Variants in CTNNA3 observed in about 807,000 individuals in gnomAD.
CTNNA3 encodes catenin alpha 3, also known as catenin alpha-3.
In CTNNA3, 76 loss-of-function variants were observed where a neutral mutation model predicts 95.7. The ratio of observed to expected loss-of-function variants is 0.79; its 90% CI spans 0.66 to 0.96. CTNNA3 has a LOEUF of 0.96. Ranked by LOEUF, CTNNA3 falls within the 40% of genes least tolerant of loss-of-function variation. CTNNA3 has a pLI of 0.00. For missense variants in CTNNA3, 1,191 were observed against 1,089.8 expected, an observed-to-expected ratio of 1.09 and a Z score of -1.31; for synonymous variants, 431 against 374.4, an observed-to-expected ratio of 1.15 and a Z score of -1.74.
chr10:66,659,964 G>A (rs890520059), intron 9 of CTNNA3, among the ~76,000 whole-genome samples: 17 of 152,010 alleles, frequency 1.1e-4, no homozygotes, highest in African/African-American at 4.1e-4. Context: ...ATATCATTAT[G>A]ACAATATTGA....
chr10:67,343,920 T>C (rs149223427), intron 5 of CTNNA3, among the ~76,000 whole-genome samples: 1 of 148,012 alleles, frequency 6.8e-6, no homozygotes, highest in Admixed American at 6.7e-5. Context: ...ATATTATATA[T>C]TTTATATTTT....
intron 5 of CTNNA3, among the ~76,000 whole-genome samples, chr10:67,509,107 C>T (rs917445486): frequency 4.6e-5 from 7 of 151,922 alleles, no homozygotes; most frequent in Non-Finnish European, 1.0e-4. Flanking sequence ...AACTCTTGAC[C>T]TCAGGTGATC....
At chr10:67,369,995 T>C (rs1843358656) in intron 5 of CTNNA3, among the ~76,000 whole-genome samples, 1 of 152,216 alleles carries the variant, frequency 6.6e-6, no homozygotes, top group Admixed American at 6.5e-5. Flanking sequence ...TGAAGTTGTA[T>C]ATATGCATGT....
intron 7 of CTNNA3, among the ~76,000 whole-genome samples, chr10:67,162,051 G>A (rs1431639784): frequency 6.6e-6 from 1 of 151,940 alleles, no homozygotes; most frequent in Non-Finnish European, 1.5e-5. Flanking sequence ...AAAGCTGAAC[G>A]GAAGAGTGGA....
intron 11 of CTNNA3, among the ~76,000 whole-genome samples, chr10:66,416,597 A>G (rs2093148117): frequency 6.6e-6 from 1 of 151,968 alleles, no homozygotes; most frequent in African/African-American, 2.4e-5. Context: ...AGAAACCTCC[A>G]TCAGAACAAG....
rs150929893 is a variant in CTNNA3, at chr10:67,627,857, T to C, written c.99+19558A>G. On this transcript the variant is annotated intron_variant, in intron 2 of 17. Transcript: ENST00000433211. ...AGTTACTATTATAATTAGTATATAA[T>C]TAAAACTACTGTATATGATAAACAA... Among the ~76,000 whole-genome samples, 556 of 151,932 alleles carry C rather than the reference T, an allele frequency of 3.7e-3. 5 individuals are homozygous for C. The highest frequency in any genetic ancestry group is 0.013 in the African/African-American group (522 of 41,548).
chr10:65,918,137 CAA>C lies in CTNNA3; in HGVS notation c.*2191_*2192del, dbSNP rs1237559549. ...ACTTTGGGTAAAAAGTCATTTTTAT[CAA>C]AGAGATGGAGGTTATTTGGTAATTG... On this transcript the variant is annotated 3_prime_UTR_variant, in exon 18 of 18. Coordinates refer to ENST00000433211, the MANE Select transcript of CTNNA3 (RefSeq NM_013266.4). The C allele has an allele frequency of 6.6e-6, 1 of 152,028 alleles. No individual in the cohort carries two copies. Among genetic ancestry groups the C allele is most frequent in the African/African-American group, 2.4e-5 (1 of 41,386 alleles). The allele number at this position is 152,028 out of a possible 1,614,324, so 9.4% of individuals were successfully genotyped here. A position where few individuals can be genotyped will look rare whatever the true frequency, so the allele number is the denominator to read the frequency against.
chr10:66,424,085 C>T (rs570702341), intron 11 of CTNNA3, among the ~76,000 whole-genome samples: 7 of 151,198 alleles, frequency 4.6e-5, no homozygotes, highest in African/African-American at 2.4e-5. Context: ...CTAAATTTTC[C>T]AGTTTATTGA....
At chr10:67,372,493 C>T (rs1317705930) in intron 5 of CTNNA3, among the ~76,000 whole-genome samples, 1 of 152,030 alleles carries the variant, frequency 6.6e-6, no homozygotes, top group Non-Finnish European at 1.5e-5. Context: ...ACCAAATCTA[C>T]GTCTGATTGG....
intron 7 of CTNNA3, among the ~76,000 whole-genome samples, chr10:67,038,096 T>C (rs1854175565): frequency 1.3e-5 from 2 of 152,152 alleles, no homozygotes; most frequent in African/African-American, 4.8e-5. Context: ...TTATTTCGAT[T>C]TAATAGTACT....
intron 5 of CTNNA3, among the ~76,000 whole-genome samples, chr10:67,500,056 C>T (rs1056419026): frequency 2.0e-5 from 3 of 151,000 alleles, no homozygotes; most frequent in East Asian, 2.2e-4. Context: ...CCCACTTTCT[C>T]CTGTGGGCAT....
chr10:66,798,842 A>C (rs1431850618), intron 7 of CTNNA3, among the ~76,000 whole-genome samples: 1 of 151,658 alleles, frequency 6.6e-6, no homozygotes, highest in African/African-American at 2.4e-5. Context: ...ATATGAGATA[A>C]AAACCTGCTA....
intron 13 of CTNNA3, among the ~76,000 whole-genome samples, chr10:66,230,491 C>T (rs922346): frequency 0.81 from 123,202 of 152,066 alleles, 50,273 homozygotes; most frequent in South Asian, 0.94. Context: ...AGTGCATCAG[C>T]GGTCTAGGCT....
chr10:66,050,926 T>A (rs1047836839), intron 15 of CTNNA3, among the ~76,000 whole-genome samples: 6 of 152,126 alleles, frequency 3.9e-5, no homozygotes, highest in Non-Finnish European at 7.3e-5. Context: ...GAATTAGAGC[T>A]CACTGCAGCC....
At position 66,114,238 on chromosome 10, in the gene CTNNA3, A is replaced by C. The variant is rs10996901; in HGVS notation, c.1885-10989T>G. ...TAGACAGTAAAAGGGAGTCTAACTT[A>C]AAATTTGTTCATTTTTCTTTTCCAA... On this transcript the variant is annotated intron_variant, in intron 13 of 17. Transcript: ENST00000433211. Among the ~76,000 whole-genome samples, 1,100 of 152,246 alleles carry C rather than the reference A, an allele frequency of 7.2e-3. 17 individuals are homozygous for C. Among genetic ancestry groups the C allele is most frequent in the African/African-American group, 0.023 (941 of 41,524 alleles).
In CTNNA3 at chr10:66,100,448, G is replaced by C. The variant is rs140353421; in HGVS notation, c.1977+2709C>G. On this transcript the variant is annotated intron_variant, in intron 14 of 17. Transcript: ENST00000433211. ...TGCAGAGGATATTTATAAGAGCAGA[G>C]AGTAGCCAGGTTGAATATAATGTTG... is the stretch of plus-strand genomic sequence containing the variant. Among the ~76,000 whole-genome samples the C allele has an allele frequency of 3.8e-3, 572 of 152,300 alleles. 2 individuals are homozygous for C. Among genetic ancestry groups the C allele is most frequent in the Non-Finnish European group, 6.2e-3 (424 of 68,012 alleles).
At chr10:66,194,894 C>T (rs191567432) in intron 13 of CTNNA3, among the ~76,000 whole-genome samples, 60 of 152,250 alleles carry the variant, frequency 3.9e-4, no homozygotes, top group African/African-American at 1.1e-3. Context: ...TGAAGAGAAT[C>T]CCTCAGTATA....
chr10:66,511,844 GA>G (rs1240101160), intron 11 of CTNNA3, among the ~76,000 whole-genome samples: 5 of 151,892 alleles, frequency 3.3e-5, no homozygotes, highest in Admixed American at 6.6e-5. Flanking sequence ...GTAGCCATTG[GA>G]AAAAATGTTC....
chr10:66,723,653 C>G (rs144120910), intron 9 of CTNNA3, among the ~76,000 whole-genome samples: 1 of 152,160 alleles, frequency 6.6e-6, no homozygotes, highest in Non-Finnish European at 1.5e-5. Flanking sequence ...TACCAGAAAA[C>G]AACAGCATCA....
Sources: allele counts gnomAD v4.1 joint callset (sites outside exome capture counted in the v4.1 genomes callset), GRCh38; gene constraint gnomAD v4.1.1; transcripts MANE v1.5; gene names NCBI Gene and HGNC (gene_info 2026-07-23, HGNC 2026-07-21).